ANKS1B: variants seen among roughly 807,000 people sequenced by gnomAD.
The protein encoded by ANKS1B is ankyrin repeat and sterile alpha motif domain-containing protein 1B.
ANKS1B carries 36 observed loss-of-function variants against 148.3 expected under a neutral mutation model. The ratio of observed to expected loss-of-function variants is 0.24; its 90% CI spans 0.19 to 0.32. The LOEUF (loss-of-function observed/expected upper bound fraction) is 0.32. Among genes scored for constraint, ANKS1B ranks in the 10% least tolerant of loss-of-function variants. ANKS1B has a pLI of 1.00. For synonymous variants in ANKS1B, 542 were observed against 560.8 expected, an observed-to-expected ratio of 0.97 and a Z score of 0.47; for missense variants, 1,157 against 1,542.6, an observed-to-expected ratio of 0.75 and a Z score of 4.19.
intron 9 of ANKS1B, among the ~76,000 whole-genome samples, chr12:99,559,034 C>A (rs2097305878): frequency 6.6e-6 from 1 of 152,096 alleles, no homozygotes. Flanking sequence ...TTGCTGGGGA[C>A]CAGTAATGAA....
At chr12:99,565,524 A>T (rs1472233836) in intron 9 of ANKS1B, among the ~76,000 whole-genome samples, 1 of 152,178 alleles carries the variant, frequency 6.6e-6, no homozygotes, top group Non-Finnish European at 1.5e-5. Flanking sequence ...TCCAGGGAGT[A>T]AATGGGAGTT....
At chr12:99,383,478 A>C (rs899690360) in intron 12 of ANKS1B, among the ~76,000 whole-genome samples, 4 of 152,354 alleles carry the variant, frequency 2.6e-5, no homozygotes, top group African/African-American at 9.6e-5. Flanking sequence ...CTTACAGATC[A>C]GTTTCAGTTC....
At chr12:98,747,000 G>C (rs1421533853) in intron 26 of ANKS1B, among the ~76,000 whole-genome samples, 1 of 152,038 alleles carries the variant, frequency 6.6e-6, no homozygotes, top group East Asian at 1.9e-4. Context: ...ACAGGACATT[G>C]GTCTGGATAA....
At chr12:99,321,512 G>A (rs953225830) in intron 12 of ANKS1B, among the ~76,000 whole-genome samples, 11 of 152,214 alleles carry the variant, frequency 7.2e-5, no homozygotes, top group Admixed American at 2.0e-4. Flanking sequence ...GCCAAGTGCC[G>A]GATATAATCT....
chr12:99,556,532 G>A (rs2097277976), intron 9 of ANKS1B, among the ~76,000 whole-genome samples: 1 of 152,074 alleles, frequency 6.6e-6, no homozygotes, highest in Admixed American at 6.6e-5. Flanking sequence ...TAGGTGTGAT[G>A]TTAGGTTATT....
chr12:99,872,168 T>G (rs2091596533), intron 1 of ANKS1B, among the ~76,000 whole-genome samples: 1 of 152,098 alleles, frequency 6.6e-6, no homozygotes, highest in Non-Finnish European at 1.5e-5. Flanking sequence ...GAGTATAAAT[T>G]TTTTACAGCC....
At chr12:99,710,342 A>C (rs954106645) in intron 8 of ANKS1B, among the ~76,000 whole-genome samples, 1 of 152,166 alleles carries the variant, frequency 6.6e-6, no homozygotes, top group African/African-American at 2.4e-5. Context: ...CTTTGATAAA[A>C]CCACAGCTTT....
In ANKS1B at chr12:98,786,577, T is replaced by G. The variant is rs552326991; in HGVS notation, c.3343-4440A>C. Among the ~76,000 whole-genome samples, 34 of 152,280 alleles carry G rather than the reference T, an allele frequency of 2.2e-4. No homozygotes were observed. In the South Asian group the frequency reaches 6.8e-3, roughly 31 times the overall value. On this transcript the variant is annotated intron_variant, in intron 22 of 26. Transcript: ENST00000683438. ...ACTGCCTTAAAGCATGTTCTGAAAATAAGTAGGTTTTCTATTTTGAATGCA... is the reference window on the plus strand; with the variant it reads ...ACTGCCTTAAAGCATGTTCTGAAAAGAAGTAGGTTTTCTATTTTGAATGCA...
intron 12 of ANKS1B, among the ~76,000 whole-genome samples, chr12:99,326,209 A>G (rs953445481): frequency 2.0e-5 from 3 of 152,070 alleles, no homozygotes; most frequent in African/African-American, 4.8e-5. Flanking sequence ...AAACCTAACC[A>G]TATCAACCAG....
At chr12:99,177,501 G>A (rs1039096717) in intron 14 of ANKS1B, among the ~76,000 whole-genome samples, 4 of 152,192 alleles carry the variant, frequency 2.6e-5, no homozygotes, top group African/African-American at 9.7e-5. Context: ...TGTCCCTGAT[G>A]ATCTATGTCT....
intron 14 of ANKS1B, among the ~76,000 whole-genome samples, chr12:99,242,025 A>C (rs996186525): frequency 1.3e-5 from 2 of 152,160 alleles, no homozygotes; most frequent in Non-Finnish European, 2.9e-5. Context: ...TCCTATTCAA[A>C]ATAGTGTTGG....
chr12:99,977,910 C>A (rs542079224), intron 1 of ANKS1B, among the ~76,000 whole-genome samples: 1 of 152,236 alleles, frequency 6.6e-6, no homozygotes, highest in Non-Finnish European at 1.5e-5. Context: ...GCAATATGTC[C>A]AAAACGGAAA....
chr12:98,865,254 A>G (rs1487716099), intron 17 of ANKS1B, among the ~76,000 whole-genome samples: 1 of 152,152 alleles, frequency 6.6e-6, no homozygotes, highest in Non-Finnish European at 1.5e-5. Flanking sequence ...AAATGTTTCA[A>G]GCAGAACTCA....
intron 25 of ANKS1B, among the ~76,000 whole-genome samples, chr12:98,772,604 CACTT>C (rs1048273619): frequency 2.0e-5 from 3 of 152,258 alleles, no homozygotes; most frequent in African/African-American, 4.8e-5. Context: ...GATCTTGCGA[CACTT>C]ACTCACTATC....
chr12:99,786,125 C>T (rs1049183231), intron 4 of ANKS1B, among the ~76,000 whole-genome samples: 2 of 152,184 alleles, frequency 1.3e-5, no homozygotes, highest in South Asian at 2.1e-4. Flanking sequence ...GATTCCCTTA[C>T]ACTTTTCACA....
At chr12:99,378,758 A>G (rs1296666729) in intron 12 of ANKS1B, among the ~76,000 whole-genome samples, 1 of 152,146 alleles carries the variant, frequency 6.6e-6, no homozygotes, top group African/African-American at 2.4e-5. Context: ...CAAACTGAGA[A>G]GATTTAGTTT....
At chr12:99,776,398 CAAGTA>C (rs2063650516) in intron 6 of ANKS1B, among the ~76,000 whole-genome samples, 1 of 152,108 alleles carries the variant, frequency 6.6e-6, no homozygotes, top group African/African-American at 2.4e-5. Flanking sequence ...TTAAAGATTA[CAAGTA>C]AAGGAGGAGT....
intron 8 of ANKS1B, among the ~76,000 whole-genome samples, chr12:99,663,211 G>A (rs1293039900): frequency 2.0e-5 from 3 of 152,018 alleles, no homozygotes; most frequent in African/African-American, 7.2e-5. Flanking sequence ...ATAGATGATA[G>A]GTCAGTGATC....
In ANKS1B at chr12:99,782,100, G is replaced by A. The variant is rs2064389046; in HGVS notation, c.670-3C>T. 6.3e-7 allele frequency: 1 copy of A among 1,585,672 alleles called. No homozygotes were observed. Among genetic ancestry groups the A allele is most frequent in the South Asian group, 1.2e-5 (1 of 85,578 alleles). On this transcript the variant is annotated splice_region_variant and splice_polypyrimidine_tract_variant and intron_variant, in intron 4 of 26. Transcript: ENST00000683438. The stretch of plus-strand genomic sequence containing the variant: ...TGAAGTGCACTCCCCTTTTCTGTCT[G>A]GAAAAAAAAAAGTAAGAAAAAAGAA...
Sources: allele counts gnomAD v4.1 joint callset (sites outside exome capture counted in the v4.1 genomes callset), GRCh38; gene constraint gnomAD v4.1.1; transcripts MANE v1.5; gene names NCBI Gene and HGNC (gene_info 2026-07-23, HGNC 2026-07-21).